The following GREM2 variants were observed in gnomAD, a reference collection of about 807,000 sequenced individuals.
The protein encoded by GREM2 is gremlin 2, DAN family BMP antagonist.
A neutral mutation model predicts 14.2 loss-of-function variants in GREM2; 11 were observed. The ratio of observed to expected loss-of-function variants is 0.78; its 90% CI spans 0.49 to 1.28. GREM2 has a LOEUF of 1.28. GREM2 is among the 50% of genes most tolerant of loss of function. The pLI, the probability that GREM2 is intolerant of heterozygous loss-of-function variation, is 0.00. For missense variants in GREM2, 210 were observed against 218.5 expected (o/e 0.96, Z 0.24); for synonymous variants, 98 against 97.6 (o/e 1.00, Z -0.02).
At chr1:240,496,417 A>G (rs748778626) in intron 1 of GREM2, among the ~76,000 whole-genome samples, 5 of 152,100 alleles carry the variant, frequency 3.3e-5, no homozygotes, top group Non-Finnish European at 7.3e-5. Context: ...TCTTTCTCCC[A>G]AATGTCTACT....
rs1406698471 is a variant in GREM2, at chr1:240,548,849, GGT to G, written c.-1-55375_-1-55374del. 7.2e-5 allele frequency among the ~76,000 whole-genome samples: 11 copies of G among 152,060 alleles called. No homozygotes were observed. The South Asian group carries it at 1.7e-3, about 23-fold the overall frequency. On this transcript the variant is annotated intron_variant, in intron 1 of 1. Transcript: ENST00000318160. ...ACCTTGGTTAGAAAGAAAACTTGAC[GGT>G]AAAAAGAGAACTAGGTCCATGTAGA...
At chr1:240,504,949 G>A (rs548508670) in intron 1 of GREM2, among the ~76,000 whole-genome samples, 9 of 152,052 alleles carry the variant, frequency 5.9e-5, no homozygotes, top group South Asian at 4.2e-4. Context: ...CTATGTCCCC[G>A]CCCCAATCTT....
chr1:240,492,883 T>G lies in GREM2; in HGVS notation c.*86A>C, dbSNP rs1336156272. The G allele has an allele frequency of 7.9e-7, 1 of 1,258,414 alleles. No individual in the cohort carries two copies. Among genetic ancestry groups the G allele is most frequent in the Non-Finnish European group, 1.0e-6 (1 of 986,940 alleles). The allele number at this position is 1,258,414 out of a possible 1,614,324, so 78.0% of individuals were successfully genotyped here. The stretch of plus-strand genomic sequence containing the variant: ...GGGGGAACACCAGGCAGCGTGACAG[T>G]GGGCTCGGAGGGCAGGGACAGAGGC... On this transcript the variant is annotated 3_prime_UTR_variant, in exon 2 of 2. Coordinates refer to ENST00000318160, the MANE Select transcript of GREM2 (RefSeq NM_022469.4).
At chr1:240,549,923 T>C (rs1359420012) in intron 1 of GREM2, 1 of 152,354 alleles carries the variant, frequency 6.6e-6, no homozygotes. Context: ...GCTTCTACCA[T>C]GGATGAGGCA....
At chr1:240,582,596 G>A (rs2103378870) in intron 1 of GREM2, among the ~76,000 whole-genome samples, 1 of 152,226 alleles carries the variant, frequency 6.6e-6, no homozygotes, top group East Asian at 1.9e-4. Context: ...AGGAGTTCAA[G>A]ACCAGCCTGT....
At chr1:240,501,342 G>A (rs1677565212) in intron 1 of GREM2, among the ~76,000 whole-genome samples, 1 of 152,178 alleles carries the variant, frequency 6.6e-6, no homozygotes, top group Admixed American at 6.5e-5. Flanking sequence ...GACATTGCCT[G>A]AGTGGAACAC....
At chr1:240,532,242 C>A (rs1159129297) in intron 1 of GREM2, among the ~76,000 whole-genome samples, 1 of 152,064 alleles carries the variant, frequency 6.6e-6, no homozygotes, top group Admixed American at 6.6e-5. Context: ...CGCCACCATG[C>A]CCAGCTAATT....
intron 1 of GREM2, among the ~76,000 whole-genome samples, chr1:240,607,119 G>A (rs1269665945): frequency 6.6e-6 from 1 of 152,122 alleles, no homozygotes; most frequent in Non-Finnish European, 1.5e-5. Context: ...AAAATGTTTA[G>A]CAAATAATCA....
chr1:240,563,991 C>G (rs557302402), intron 1 of GREM2, among the ~76,000 whole-genome samples: 1 of 152,216 alleles, frequency 6.6e-6, no homozygotes, highest in East Asian at 1.9e-4. Flanking sequence ...GGAAGGATCA[C>G]TTGAGCCCAG....
intron 1 of GREM2, among the ~76,000 whole-genome samples, chr1:240,522,226 T>C (rs1678118316): frequency 6.6e-6 from 1 of 151,848 alleles, no homozygotes; most frequent in African/African-American, 2.4e-5. Flanking sequence ...AAAGGGATTA[T>C]ACTGAAATGA....
At chr1:240,532,170 G>A (rs534251528) in intron 1 of GREM2, among the ~76,000 whole-genome samples, 5 of 151,818 alleles carry the variant, frequency 3.3e-5, no homozygotes, top group Non-Finnish European at 7.4e-5. Flanking sequence ...TGCAACCTCC[G>A]CCTCCCAGGT....
chr1:240,547,327 T>C (rs530421999), intron 1 of GREM2, among the ~76,000 whole-genome samples: 258 of 151,632 alleles, frequency 1.7e-3, no homozygotes, highest in African/African-American at 5.0e-3. Flanking sequence ...TGCGAAACCC[T>C]GTCTCTACTA....
chr1:240,564,957 C>G (rs1049926206), intron 1 of GREM2, among the ~76,000 whole-genome samples: 2 of 152,194 alleles, frequency 1.3e-5, no homozygotes, highest in Non-Finnish European at 2.9e-5. Context: ...GACTGGAACC[C>G]TTTCAGGAAT....
At chr1:240,547,509 AAAAAAAT>A (rs1245783729) in intron 1 of GREM2, among the ~76,000 whole-genome samples, 4 of 103,078 alleles carry the variant, frequency 3.9e-5, no homozygotes, top group African/African-American at 1.8e-4. Flanking sequence ...CAAAAAAAAA[AAAAAAAT>A]ATATATATAT....
chr1:240,559,575 C>G (rs1317091881), intron 1 of GREM2, among the ~76,000 whole-genome samples: 1 of 152,014 alleles, frequency 6.6e-6, no homozygotes. Context: ...AACTCCTGAC[C>G]TTAGGTGATC....
rs1187770486 is a variant in GREM2 at position 240,547,532 on chromosome 1, T to TATATATAGACAGATAGATAG, written c.-1-54057_-1-54056insCTATCTATCTGTCTATATAT. On this transcript the variant is annotated intron_variant, in intron 1 of 1. Transcript: ENST00000318160. Reference sequence around the variant, plus strand: ...AAAAAAAAATATATATATATATATATATAGATAGATAGATAGATAGATAGA... The same window carrying TATATATAGACAGATAGATAG: ...AAAAAAAAATATATATATATATATATATATATAGACAGATAGATAGATAGATAGATAGATAGATAGATAGA... Among the ~76,000 whole-genome samples the TATATATAGACAGATAGATAG allele has an allele frequency of 5.0e-3, 610 of 121,770 alleles. 16 individuals carry two copies. The highest frequency in any genetic ancestry group is 0.021 in the African/African-American group (556 of 26,992). 79.9% of individuals were successfully genotyped at this position (121,770 alleles called of 152,430 possible).
chr1:240,586,466 C>T (rs563849621), intron 1 of GREM2, among the ~76,000 whole-genome samples: 1 of 152,314 alleles, frequency 6.6e-6, no homozygotes, highest in South Asian at 2.1e-4. Context: ...GTTCCTGCTG[C>T]TTCTGTGCTT....
chr1:240,585,646 C>T (rs77206151), intron 1 of GREM2, among the ~76,000 whole-genome samples: 1 of 144,260 alleles, frequency 6.9e-6, no homozygotes, highest in East Asian at 2.2e-4. Flanking sequence ...AGGAGAATCG[C>T]TTGAACCTGG....
At chr1:240,514,414 C>T (rs1462117349) in intron 1 of GREM2, among the ~76,000 whole-genome samples, 2 of 152,064 alleles carry the variant, frequency 1.3e-5, no homozygotes, top group Non-Finnish European at 2.9e-5. Flanking sequence ...TTTGAGATGT[C>T]TATTAGATTT....
Sources: allele counts gnomAD v4.1 joint callset (sites outside exome capture counted in the v4.1 genomes callset), GRCh38; gene constraint gnomAD v4.1.1; transcripts MANE v1.5; gene names NCBI Gene and HGNC (gene_info 2026-07-23, HGNC 2026-07-21).